Variants in GALNT13 observed in about 807,000 individuals in gnomAD.
GALNT13 encodes the protein polypeptide N-acetylgalactosaminyltransferase 13, also known as UDP-GalNAc:polypeptide N-acetylgalactosaminyltransferase 13.
Under a neutral mutation model 64.2 loss-of-function variants are expected in GALNT13, and 28 were observed. The observed-to-expected ratio is 0.44, with a 90% CI of 0.32 to 0.60. GALNT13 has a LOEUF of 0.60. Ranked by LOEUF, GALNT13 falls within the 20% of genes least tolerant of loss-of-function variation. The pLI is 0.05. For missense variants in GALNT13, 577 were observed against 669.8 expected (o/e 0.86, Z 1.53); for synonymous variants, 214 against 224.6 (o/e 0.95, Z 0.42).
chr2:154,220,916 T>G (rs1447753691), intron 4 of GALNT13, among the ~76,000 whole-genome samples: 1 of 152,064 alleles, frequency 6.6e-6, no homozygotes, highest in Non-Finnish European at 1.5e-5. Context: ...GTCACCTTTT[T>G]GTTTTAGATG....
chr2:154,142,963 A>G (rs1163238235), intron 4 of GALNT13, among the ~76,000 whole-genome samples: 1 of 152,166 alleles, frequency 6.6e-6, no homozygotes, highest in Non-Finnish European at 1.5e-5. Context: ...TGCTAAGTTT[A>G]TAATGTTTAA....
intron 1 of GALNT13, among the ~76,000 whole-genome samples, chr2:153,885,959 C>T (rs946711586): frequency 6.6e-6 from 1 of 151,200 alleles, no homozygotes; most frequent in Non-Finnish European, 1.5e-5. Flanking sequence ...AATCAGCAAA[C>T]TAAAAAATAA....
intron 4 of GALNT13, among the ~76,000 whole-genome samples, chr2:154,208,549 A>G (rs1056245367): frequency 1.3e-5 from 2 of 151,492 alleles, no homozygotes; most frequent in Non-Finnish European, 2.9e-5. Flanking sequence ...CACAAAATTC[A>G]ACAGAGATCT....
chr2:153,563,588 T>C, the GALNT13 span, among the ~76,000 whole-genome samples: 18 of 152,112 alleles, frequency 1.2e-4, no homozygotes, highest in Non-Finnish European at 1.8e-4. Context: ...TTGTTGTAAT[T>C]ATAAAGTATT....
chr2:153,559,144 T>C, the GALNT13 span, among the ~76,000 whole-genome samples: 3 of 152,228 alleles, frequency 2.0e-5, no homozygotes, highest in African/African-American at 7.2e-5. Context: ...TTTATTTTTG[T>C]AATATAAGCA....
intron 7 of GALNT13, among the ~76,000 whole-genome samples, chr2:154,257,949 T>A (rs1439834054): frequency 2.6e-5 from 4 of 152,114 alleles, no homozygotes; most frequent in Admixed American, 2.6e-4. Context: ...AAACTTTATA[T>A]AATACCAAAG....
the GALNT13 span, among the ~76,000 whole-genome samples, chr2:153,633,425 T>A: frequency 6.6e-6 from 1 of 152,158 alleles, no homozygotes; most frequent in Non-Finnish European, 1.5e-5. Flanking sequence ...CCATTGTAGA[T>A]GATAATAAAC....
At chr2:153,542,018 AGCTGAACAGTAATTAAAG>A in the GALNT13 span, among the ~76,000 whole-genome samples, 2 of 152,202 alleles carry the variant, frequency 1.3e-5, no homozygotes, top group Non-Finnish European at 2.9e-5. Flanking sequence ...CGAATACTAG[AGCTGAACAGTAATTAAAG>A]GCCGGGTACA....
At chr2:154,146,213 A>G (rs888011415) in intron 4 of GALNT13, among the ~76,000 whole-genome samples, 7 of 151,876 alleles carry the variant, frequency 4.6e-5, no homozygotes, top group East Asian at 3.9e-4. Flanking sequence ...AGGAATGTGG[A>G]TATAAGTATT....
chr2:153,598,461 A>G, the GALNT13 span, among the ~76,000 whole-genome samples: 3 of 151,782 alleles, frequency 2.0e-5, no homozygotes, highest in African/African-American at 7.3e-5. Context: ...CTCCTGTCTT[A>G]CTCTTCTCCT....
chr2:154,266,112 A>T (rs987248127), intron 8 of GALNT13, among the ~76,000 whole-genome samples: 12 of 152,188 alleles, frequency 7.9e-5, no homozygotes, highest in African/African-American at 2.9e-4. Context: ...CCCTGAGCAA[A>T]CTATTTATAG....
intron 4 of GALNT13, among the ~76,000 whole-genome samples, chr2:154,240,137 G>A (rs540821555): frequency 2.4e-4 from 36 of 152,160 alleles, no homozygotes; most frequent in African/African-American, 4.6e-4. Context: ...CTGTAATCAC[G>A]TTGACTTAAA....
intron 4 of GALNT13, among the ~76,000 whole-genome samples, chr2:154,147,720 G>A (rs1683702980): frequency 6.6e-6 from 1 of 151,746 alleles, no homozygotes; most frequent in Non-Finnish European, 1.5e-5. Flanking sequence ...GTTTGTTTTT[G>A]CAAATTCTAA....
chr2:153,681,074 A>G, the GALNT13 span, among the ~76,000 whole-genome samples: 1 of 152,024 alleles, frequency 6.6e-6, no homozygotes, highest in South Asian at 2.1e-4. Context: ...AAATTCCCTA[A>G]TGACACCTGC....
chr2:153,134,683 C>G, the GALNT13 span, among the ~76,000 whole-genome samples: 2 of 152,088 alleles, frequency 1.3e-5, no homozygotes, highest in Non-Finnish European at 2.9e-5. Context: ...ACGCCCAAGC[C>G]CAAACCCACA....
At chr2:153,186,030 G>A in the GALNT13 span, among the ~76,000 whole-genome samples, 581 of 151,976 alleles carry the variant, frequency 3.8e-3, 6 homozygotes, top group African/African-American at 0.013. Flanking sequence ...TTTCTGTCTC[G>A]GTGATCTGTC....
the GALNT13 span, among the ~76,000 whole-genome samples, chr2:153,343,908 A>G: frequency 6.6e-6 from 1 of 152,218 alleles, no homozygotes; most frequent in Non-Finnish European, 1.5e-5. Context: ...TAAAAGAACA[A>G]TGTATAAGTT....
At chr2:154,143,605 C>T (rs1179007790) in intron 4 of GALNT13, among the ~76,000 whole-genome samples, 1 of 151,250 alleles carries the variant, frequency 6.6e-6, no homozygotes, top group African/African-American at 2.4e-5. Context: ...ACCTGTAATC[C>T]CAGCACTTTG....
intron 1 of GALNT13, among the ~76,000 whole-genome samples, chr2:153,876,050 G>T (rs1686345929): frequency 6.6e-6 from 1 of 152,038 alleles, no homozygotes; most frequent in African/African-American, 2.4e-5. Context: ...ATTATCAAAG[G>T]ATTTAAACTG....
Sources: gnomAD v4.1 joint callset for allele counts (sites outside exome capture counted in the v4.1 genomes callset) on GRCh38, gnomAD v4.1.1 for gene constraint, MANE v1.5 for transcripts, NCBI Gene and HGNC (gene_info 2026-07-23, HGNC 2026-07-21) for gene names.